GAR1: variants seen among roughly 807,000 people sequenced by gnomAD.
GAR1 encodes GAR1 ribonucleoprotein.
A neutral mutation model predicts 29.3 loss-of-function variants in GAR1; 11 were observed. The ratio of observed to expected loss-of-function variants is 0.38; its 90% CI spans 0.24 to 0.62. The LOEUF (loss-of-function observed/expected upper bound fraction) is 0.62. Among genes scored for constraint, GAR1 ranks in the 20% least tolerant of loss-of-function variants. GAR1 has a pLI of 0.62. For missense variants in GAR1, 237 were observed against 268.4 expected (o/e 0.88, Z 0.82); for synonymous variants, 87 against 93.3 (o/e 0.93, Z 0.39).
chr4:109,823,348 A>G (rs1733569890), intron 5 of GAR1, among the ~76,000 whole-genome samples: 1 of 152,086 alleles, frequency 6.6e-6, no homozygotes. Context: ...CCATAAAGGT[A>G]TTTTTTTGTG....
chr4:109,820,855 T>C (rs1379945792), intron 4 of GAR1, among the ~76,000 whole-genome samples: 1 of 152,094 alleles, frequency 6.6e-6, no homozygotes, highest in African/African-American at 2.4e-5. Flanking sequence ...CTGGCGTGCC[T>C]GGAGCTGTTG....
chr4:109,822,281 G>C, intron 4 of GAR1, 66 bp from the exon 5 acceptor site: 1 of 971,132 alleles, frequency 1.0e-6, no homozygotes, highest in East Asian at 2.9e-5. Context: ...CTATCATGTA[G>C]CTTCTTAATG....
chr4:109,817,970 C>T lies in GAR1; in HGVS notation c.249C>T (p.Asp83=), dbSNP rs1733399112. ...LGEFLHPCED[D]IVCKCTTDEN... is the part of the protein sequence containing the mutation. Reference sequence around the variant, plus strand: ...AGTTCCTGCATCCCTGTGAAGATGACATAGTTTGTAAATGTACCACAGATG... The same window carrying T: ...AGTTCCTGCATCCCTGTGAAGATGATATAGTTTGTAAATGTACCACAGATG... Residue 83 remains aspartate (D), a synonymous_variant, in exon 3 of 7, where the codon GAC becomes GAT. Coordinates refer to ENST00000226796, the MANE Select transcript of GAR1 (RefSeq NM_018983.4). 3 of 1,609,088 alleles carry T rather than the reference C, an allele frequency of 1.9e-6. No homozygotes were observed. The highest frequency in any genetic ancestry group is 2.5e-6 in the Non-Finnish European group (3 of 1,177,132).
chr4:109,817,320 G>A (rs1035316699), intron 2 of GAR1, among the ~76,000 whole-genome samples: 8 of 152,198 alleles, frequency 5.3e-5, no homozygotes, highest in Non-Finnish European at 5.9e-5. Flanking sequence ...TAGGAATGAA[G>A]ACTTGGTTTT....
In GAR1 at chr4:109,815,944, G is replaced by C. The variant is rs1733336493; in HGVS notation, c.-13+140G>C. 1.1e-5 allele frequency: 7 copies of C among 609,536 alleles called. No individual in the cohort carries two copies. The South Asian group carries it at 1.2e-4, about 10-fold the overall frequency. 37.8% of individuals were successfully genotyped at this position (609,536 alleles called of 1,614,324 possible). ...GGAGATACTAATCATGGGGCGGCAA[G>C]GGTGGTGTGTGGTCGGTCGGCGCTC... On this transcript the variant is annotated intron_variant, in intron 1 of 6. Transcript: ENST00000226796.
At position 109,815,796 on chromosome 4, in the gene GAR1, G is replaced by A. The variant is rs974727457; in HGVS notation, c.-21G>A. The A allele has an allele frequency of 1.1e-5, 3 of 264,518 alleles. No individual in the cohort carries two copies. The highest frequency in any genetic ancestry group is 2.2e-5 in the Non-Finnish European group (3 of 138,070). 16.4% of individuals were successfully genotyped at this position (264,518 alleles called of 1,614,324 possible). A position where few individuals can be genotyped will look rare whatever the true frequency, so the allele number is the denominator to read the frequency against. On this transcript the variant is annotated 5_prime_UTR_variant, in exon 1 of 7. In the 5' UTR this introduces an upstream ATG that the reference lacks. Coordinates refer to ENST00000226796, the MANE Select transcript of GAR1 (RefSeq NM_018983.4). ...CGCAAGGCCAGGGCCAGAGGGGCAC[G>A]TGGCGCCGGTGAGTGGCCGTAGAAG...
chr4:109,816,136 C>A lies in GAR1; in HGVS notation c.-12-17C>A. ...GCTACAGTGATCAGAAGACATAGGT[C>A]GTTTTTTTTTCATCAGGGAGGAGAG... On this transcript the variant is annotated splice_polypyrimidine_tract_variant and intron_variant, in intron 1 of 6. Transcript: ENST00000226796. 2.5e-6 allele frequency: 4 copies of A among 1,569,160 alleles called. No homozygotes were observed. In the South Asian group the frequency reaches 4.4e-5, roughly 17 times the overall value.
At chr4:109,822,155 T>TAAAA (rs59097048) in intron 4 of GAR1, among the ~76,000 whole-genome samples, 192 bp from the exon 5 acceptor site, 29 of 101,588 alleles carry the variant, frequency 2.9e-4, no homozygotes, top group Non-Finnish European at 4.0e-4. Context: ...GAACTTAAGG[T>TAAAA]AAAAAAAAAA....
intron 4 of GAR1, chr4:109,819,373 C>G (rs1421254939): frequency 2.9e-6 from 1 of 339,084 alleles, no homozygotes. Flanking sequence ...TAGGTAGAAT[C>G]TTAATTTGTA....
At chr4:109,819,175 T>TA in intron 4 of GAR1, 115 bp downstream of exon 4, 1 of 750,992 alleles carries the variant, frequency 1.3e-6, no homozygotes, top group Non-Finnish European at 2.5e-6. Flanking sequence ...GTAAAGCTCT[T>TA]AAATTGAAAT....
At chr4:109,823,103 C>A (rs1265301659) in intron 5 of GAR1, among the ~76,000 whole-genome samples, 1 of 152,112 alleles carries the variant, frequency 6.6e-6, no homozygotes, top group Non-Finnish European at 1.5e-5. Flanking sequence ...ATGCCTTTCC[C>A]CTAAGGTTTG....
At chr4:109,816,891 C>T (rs1037127739) in intron 2 of GAR1, among the ~76,000 whole-genome samples, 7 of 152,156 alleles carry the variant, frequency 4.6e-5, no homozygotes, top group Non-Finnish European at 1.0e-4. Context: ...CTTTCTGTTA[C>T]TACTCAAAAG....
chr4:109,819,046 A>C lies in GAR1; in HGVS notation c.415A>C (p.Lys139Gln). The C allele has an allele frequency of 2.0e-6, 3 of 1,494,680 alleles. No individual in the cohort carries two copies. The highest frequency in any genetic ancestry group is 2.8e-6 in the Non-Finnish European group (3 of 1,073,118). 92.6% of individuals were successfully genotyped at this position (1,494,680 alleles called of 1,614,324 possible). Residue 139 changes from lysine to glutamine, a missense_variant, in exon 4 of 7, where the codon AAA (lysine) becomes CAA (glutamine). Physicochemically the swap from Lys to Gln is moderately conservative, Grantham distance 53. Transcript: ENST00000226796. Reference protein sequence around the residue: ...LSENMKASSFKKLQKFYIDPY... With the variant: ...LSENMKASSFQKLQKFYIDPY... ...AGAAAACATGAAGGCTTCATCCTTT[A>C]AAAAACTACAGAAGGTGAGTCAAAC...
intron 3 of GAR1, among the ~76,000 whole-genome samples, chr4:109,818,692 G>A (rs1733421898): frequency 6.6e-6 from 1 of 150,636 alleles, no homozygotes; most frequent in Admixed American, 6.7e-5. Flanking sequence ...AGCCTTTCAA[G>A]TAGCTGAGAT....
chr4:109,822,239 G>A, intron 4 of GAR1, 108 bp from the exon 5 acceptor site: 1 of 626,368 alleles, frequency 1.6e-6, no homozygotes, highest in South Asian at 2.0e-5. Context: ...GAAAGTGGTA[G>A]GATTGGGGTT....
intron 4 of GAR1, among the ~76,000 whole-genome samples, chr4:109,821,507 C>T (rs188842163): frequency 3.3e-5 from 5 of 152,242 alleles, no homozygotes; most frequent in Admixed American, 6.5e-5. Context: ...TGAGAAATGT[C>T]CTCTTTAACC....
rs759240219 is a variant in GAR1 at position 109,818,085 on chromosome 4, G to T, written c.364G>T (p.Asp122Tyr). The T allele has an allele frequency of 2.5e-6, 4 of 1,595,500 alleles. No individual in the cohort carries two copies. The highest frequency in any genetic ancestry group is 8.5e-7 in the Non-Finnish European group (1 of 1,173,576). ...GGATGAAATATTTGGACAACTCAGAGATTTTGTATCCTTTTTCATTGGAAG... is the reference window on the plus strand; with the variant it reads ...GGATGAAATATTTGGACAACTCAGATATTTTGTATCCTTTTTCATTGGAAG... ...KVDEIFGQLRDFYFSVKLSEN... is the reference protein window; with the variant it reads ...KVDEIFGQLRYFYFSVKLSEN... Residue 122 changes from aspartate to tyrosine, a missense_variant, in exon 3 of 7, where the codon GAT (aspartate) becomes TAT (tyrosine). Physicochemically the swap from Asp to Tyr is radical, Grantham distance 160 (BLOSUM62 -3). Coordinates refer to ENST00000226796, the MANE Select transcript of GAR1 (RefSeq NM_018983.4).
rs1040213686 is a variant in GAR1, at chr4:109,823,834, A to G, written c.572-131A>G. The stretch of plus-strand genomic sequence containing the variant: ...ATATGTGAATCTATATTTATTCATT[A>G]TAATTATAGTTATTGTATTGATCTT... On this transcript the variant is annotated intron_variant, in intron 5 of 6. Coordinates refer to ENST00000226796, the MANE Select transcript of GAR1 (RefSeq NM_018983.4). 4 of 484,384 alleles carry G rather than the reference A, an allele frequency of 8.3e-6. No homozygotes were observed. The Admixed American group carries it at 1.2e-4, about 14-fold the overall frequency. The allele number at this position is 484,384 out of a possible 1,614,324, so 30.0% of individuals were successfully genotyped here. A position where few individuals can be genotyped will look rare whatever the true frequency, so the allele number is the denominator to read the frequency against.
At chr4:109,822,290 T>G in intron 4 of GAR1, 57 bp from the exon 5 acceptor site, 2 of 1,054,474 alleles carry the variant, frequency 1.9e-6, no homozygotes, top group Non-Finnish European at 2.8e-6. Context: ...AGCTTCTTAA[T>G]GATTATATTA....
Sources: allele counts gnomAD v4.1 joint callset (sites outside exome capture counted in the v4.1 genomes callset), GRCh38; gene constraint gnomAD v4.1.1; transcripts MANE v1.5; gene names NCBI Gene and HGNC (gene_info 2026-07-23, HGNC 2026-07-21).